Variants in PDGFD observed in about 807,000 individuals in gnomAD.
PDGFD encodes the protein platelet derived growth factor D, also known as platelet-derived growth factor D.
A neutral mutation model predicts 44.7 loss-of-function variants in PDGFD; 30 were observed. That is an observed-to-expected ratio of 0.67 (90% CI 0.50 to 0.91). The LOEUF (loss-of-function observed/expected upper bound fraction) is 0.91. Among genes scored for constraint, PDGFD ranks in the 40% least tolerant of loss-of-function variants. The pLI is 0.00. For missense variants in PDGFD, 445 were observed against 457.8 expected (o/e 0.97, Z 0.25); for synonymous variants, 173 against 168.4 (o/e 1.03, Z -0.21).
intron 3 of PDGFD, among the ~76,000 whole-genome samples, chr11:103,986,081 A>C (rs989336480): frequency 2.0e-5 from 3 of 152,192 alleles, no homozygotes; most frequent in African/African-American, 4.8e-5. Flanking sequence ...CTCTCAGGTG[A>C]AAGGCACAAT....
rs947347852 is a variant in PDGFD at position 104,034,633 on chromosome 11, C to T, written c.125-34378G>A. ...AAGCCAGGGAAACATGAGCTCTGCACAGTGCAAAACACTTTTTTTTTTTTT... is the reference window on the plus strand; with the variant it reads ...AAGCCAGGGAAACATGAGCTCTGCATAGTGCAAAACACTTTTTTTTTTTTT... On this transcript the variant is annotated intron_variant, in intron 1 of 6. Transcript: ENST00000393158. Among the ~76,000 whole-genome samples the T allele has an allele frequency of 2.8e-5, 4 of 143,658 alleles. No individual in the cohort carries two copies. The East Asian group carries it at 8.2e-4, about 29-fold the overall frequency. 94.2% of individuals were successfully genotyped at this position (143,658 alleles called of 152,430 possible). A position where few individuals can be genotyped will look rare whatever the true frequency, so the allele number is the denominator to read the frequency against.
intron 6 of PDGFD, among the ~76,000 whole-genome samples, chr11:103,918,821 A>T (rs773654092): frequency 3.9e-5 from 6 of 152,180 alleles, no homozygotes; most frequent in Non-Finnish European, 5.9e-5. Context: ...GCATTGAAAG[A>T]AGGAAGAAAG....
At chr11:104,031,344 A>G (rs920808190) in intron 1 of PDGFD, among the ~76,000 whole-genome samples, 6 of 152,216 alleles carry the variant, frequency 3.9e-5, no homozygotes, top group African/African-American at 1.4e-4. Context: ...ATGAACAGAC[A>G]CTTCTCAAAA....
chr11:104,111,263 T>TTTA (rs1861552630), intron 1 of PDGFD, among the ~76,000 whole-genome samples: 2 of 91,636 alleles, frequency 2.2e-5, no homozygotes, highest in African/African-American at 1.1e-4. Flanking sequence ...TTATTAATTC[T>TTTA]TTTTTTTTTT....
rs562702153 is a variant in PDGFD, at chr11:104,016,083, G to A, written c.125-15828C>T. On this transcript the variant is annotated intron_variant, in intron 1 of 6. Transcript: ENST00000393158. Reference sequence around the variant, plus strand: ...ATTTGCACAGTATCACATGCTTAATGAATCTGCTGGTCTTATAAAAGCTAA... The same window carrying A: ...ATTTGCACAGTATCACATGCTTAATAAATCTGCTGGTCTTATAAAAGCTAA... 2.5e-3 allele frequency among the ~76,000 whole-genome samples: 380 copies of A among 152,280 alleles called. 1 individual carries two copies. The highest frequency in any genetic ancestry group is 4.6e-3 in the Non-Finnish European group (313 of 68,018).
intron 3 of PDGFD, among the ~76,000 whole-genome samples, chr11:103,972,216 G>T (rs1019548900): frequency 2.0e-5 from 3 of 152,124 alleles, no homozygotes; most frequent in Non-Finnish European, 4.4e-5. Flanking sequence ...GGGATGGGTG[G>T]CCTGTGTATT....
At chr11:103,942,984 A>G (rs780496278) in intron 5 of PDGFD, among the ~76,000 whole-genome samples, 5 of 152,138 alleles carry the variant, frequency 3.3e-5, no homozygotes, top group Admixed American at 6.6e-5. Context: ...GCTCCAAACT[A>G]TGACCTATAT....
chr11:104,009,360 T>C (rs373659572), intron 1 of PDGFD, among the ~76,000 whole-genome samples: 1 of 152,106 alleles, frequency 6.6e-6, no homozygotes, highest in Non-Finnish European at 1.5e-5. Context: ...TCTCATCCTA[T>C]GCAACCATTT....
intron 1 of PDGFD, among the ~76,000 whole-genome samples, chr11:104,099,645 T>C (rs1054288020): frequency 9.9e-5 from 14 of 141,898 alleles, no homozygotes; most frequent in African/African-American, 3.3e-4. Flanking sequence ...ACAATAATAA[T>C]AATAATAATA....
chr11:104,139,335 C>G lies in PDGFD; in HGVS notation c.124+24469G>C, dbSNP rs537351482. Among the ~76,000 whole-genome samples the G allele has an allele frequency of 2.0e-5, 3 of 152,058 alleles. No homozygotes were observed. The South Asian group carries it at 6.2e-4, about 32-fold the overall frequency. On this transcript the variant is annotated intron_variant, in intron 1 of 6. Transcript: ENST00000393158. ...CTCAGAGCATAATACATGGAGGCTG[C>G]CGGGGATATAACTTCTAATGAAACA...
At chr11:104,076,351 GTAT>G (rs758306683) in intron 1 of PDGFD, among the ~76,000 whole-genome samples, 1 of 152,074 alleles carries the variant, frequency 6.6e-6, no homozygotes, top group East Asian at 1.9e-4. Flanking sequence ...ATTATTAGTA[GTAT>G]TATTATTATC....
rs953165641 is a variant in PDGFD at position 104,004,810 on chromosome 11, CTT to C, written c.125-4557_125-4556del. Among the ~76,000 whole-genome samples, 89 of 144,230 alleles carry C rather than the reference CTT, an allele frequency of 6.2e-4. 1 individual carries two copies. Among genetic ancestry groups the C allele is most frequent in the African/African-American group, 2.2e-3 (86 of 38,910 alleles). The allele number at this position is 144,230 out of a possible 152,430, so 94.6% of individuals were successfully genotyped here. ...TCTAATCACTTTATACAGATGATCT[CTT>C]GTGTGTGTATGCATGTCCATATATA... On this transcript the variant is annotated intron_variant, in intron 1 of 6. Coordinates refer to ENST00000393158, the MANE Select transcript of PDGFD (RefSeq NM_025208.5).
chr11:103,935,116 C>T (rs962165000), intron 5 of PDGFD, among the ~76,000 whole-genome samples: 1 of 152,156 alleles, frequency 6.6e-6, no homozygotes, highest in Non-Finnish European at 1.5e-5. Context: ...CTAAAAGTTA[C>T]CTATGGCTTT....
At chr11:104,134,178 A>ATAT (rs200803690) in intron 1 of PDGFD, among the ~76,000 whole-genome samples, 2 of 152,056 alleles carry the variant, frequency 1.3e-5, no homozygotes, top group African/African-American at 4.8e-5. Flanking sequence ...TAGGGGTCAC[A>ATAT]AACACAGATA....
intron 1 of PDGFD, among the ~76,000 whole-genome samples, chr11:104,113,871 T>A (rs1292829120): frequency 6.6e-6 from 1 of 152,084 alleles, no homozygotes; most frequent in African/African-American, 2.4e-5. Flanking sequence ...GATGACATGA[T>A]TTCATATGCT....
chr11:104,028,700 T>TA (rs542723011), intron 1 of PDGFD, among the ~76,000 whole-genome samples: 59 of 149,290 alleles, frequency 4.0e-4, no homozygotes, highest in African/African-American at 1.4e-3. Flanking sequence ...GCATTCTAGA[T>TA]AAAAAAACAC....
chr11:104,157,568 C>A (rs1291322519), intron 1 of PDGFD, among the ~76,000 whole-genome samples: 1 of 152,204 alleles, frequency 6.6e-6, no homozygotes, highest in East Asian at 1.9e-4. Context: ...TTCTCCCTCT[C>A]ACTGCACCCA....
chr11:103,990,759 C>G (rs1015865280), intron 3 of PDGFD, among the ~76,000 whole-genome samples: 1 of 152,088 alleles, frequency 6.6e-6, no homozygotes, highest in African/African-American at 2.4e-5. Flanking sequence ...TATATATAGT[C>G]CTGGCTGAAG....
chr11:104,053,515 G>C (rs1229603365), intron 1 of PDGFD, among the ~76,000 whole-genome samples: 1 of 152,114 alleles, frequency 6.6e-6, no homozygotes, highest in Admixed American at 6.6e-5. Context: ...GCTTCAGATT[G>C]GGTTATTGCT....
Sources: gnomAD v4.1 joint callset for allele counts (sites outside exome capture counted in the v4.1 genomes callset) on GRCh38, gnomAD v4.1.1 for gene constraint, MANE v1.5 for transcripts, NCBI Gene and HGNC (gene_info 2026-07-23, HGNC 2026-07-21) for gene names.